The following MACROD2 variants were observed in gnomAD, a reference collection of about 807,000 sequenced individuals.
The protein encoded by MACROD2 is mono-ADP ribosylhydrolase 2.
A neutral mutation model predicts 70.4 loss-of-function variants in MACROD2; 36 were observed. The ratio of observed to expected loss-of-function variants is 0.51; its 90% CI spans 0.39 to 0.68. The LOEUF (loss-of-function observed/expected upper bound fraction) is 0.68. Among genes scored for constraint, MACROD2 ranks in the 30% least tolerant of loss-of-function variants. MACROD2 has a pLI of 0.00. For synonymous variants in MACROD2, 172 were observed against 178.8 expected (o/e 0.96, Z 0.30); for missense variants, 496 against 538.4 (o/e 0.92, Z 0.78).
At chr20:15,660,397 ACAT>A (rs1404368553) in intron 8 of MACROD2, among the ~76,000 whole-genome samples, 3 of 148,862 alleles carry the variant, frequency 2.0e-5, no homozygotes, top group Non-Finnish European at 4.4e-5. Context: ...GTATCCATGC[ACAT>A]CATTTTTTTT....
chr20:14,088,896 G>T (rs1317522387), intron 3 of MACROD2, among the ~76,000 whole-genome samples: 1 of 152,154 alleles, frequency 6.6e-6, no homozygotes, highest in African/African-American at 2.4e-5. Context: ...GTTGGCTCTG[G>T]TGTTTTTTAT....
chr20:14,903,822 A>C (rs1479981178), intron 5 of MACROD2, among the ~76,000 whole-genome samples: 2 of 152,134 alleles, frequency 1.3e-5, no homozygotes, highest in African/African-American at 4.8e-5. Context: ...TCCCACTATC[A>C]GTGTATGACT....
chr20:14,821,210 T>C lies in MACROD2; in HGVS notation c.418+136251T>C, dbSNP rs1483528831. ...AATTAAAATAAAAATGATGACTTCT[T>C]TTTTTCAGTATACTAAAATGAGCAT... is the stretch of plus-strand genomic sequence containing the variant. On this transcript the variant is annotated intron_variant, in intron 5 of 17. Transcript: ENST00000684519. 1.3e-5 allele frequency among the ~76,000 whole-genome samples: 2 copies of C among 152,128 alleles called. 1 individual carries two copies. Among genetic ancestry groups the C allele is most frequent in the Non-Finnish European group, 2.9e-5 (2 of 67,990 alleles).
At chr20:15,716,305 G>A (rs1383438953) in intron 8 of MACROD2, among the ~76,000 whole-genome samples, 2 of 152,184 alleles carry the variant, frequency 1.3e-5, no homozygotes, top group Admixed American at 6.5e-5. Flanking sequence ...GTTTTATTCT[G>A]TAGTAAATGT....
At chr20:14,019,202 C>T (rs563669629) in intron 2 of MACROD2, among the ~76,000 whole-genome samples, 10 of 152,266 alleles carry the variant, frequency 6.6e-5, no homozygotes, top group African/African-American at 2.2e-4. Context: ...GTGTAATACA[C>T]GTAGAGCTGG....
intron 3 of MACROD2, among the ~76,000 whole-genome samples, chr20:14,374,737 G>T (rs778712267): frequency 2.6e-5 from 4 of 152,028 alleles, no homozygotes; most frequent in Non-Finnish European, 4.4e-5. Context: ...TGTTTTGTCT[G>T]TCATAATCAA....
chr20:14,562,519 T>C (rs1036035300), intron 4 of MACROD2, among the ~76,000 whole-genome samples: 1 of 55,848 alleles, frequency 1.8e-5, no homozygotes, highest in African/African-American at 8.4e-5. Context: ...AAAAGGATGA[T>C]TGCACCCACA....
intron 4 of MACROD2, among the ~76,000 whole-genome samples, chr20:14,588,898 C>A (rs562174781): frequency 6.6e-6 from 1 of 152,186 alleles, no homozygotes; most frequent in South Asian, 2.1e-4. Flanking sequence ...ACTTATAATG[C>A]TATTTTTAGT....
rs536829500 is a variant in MACROD2 at position 14,299,359 on chromosome 20, A to G, written c.272-194120A>G. 1.8e-4 allele frequency among the ~76,000 whole-genome samples: 27 copies of G among 152,290 alleles called. No homozygotes were observed. In the South Asian group the frequency reaches 2.1e-3, roughly 12 times the overall value. On this transcript the variant is annotated intron_variant, in intron 3 of 17. Transcript: ENST00000684519. ...ATATAAGGCATATTGCATGCCTAAT[A>G]TACCTCAATGTAGTATAAACGTTAA...
rs529842062 is a variant in MACROD2, at chr20:15,226,356, C to T, written c.419-3584C>T. On this transcript the variant is annotated intron_variant, in intron 5 of 17. Coordinates refer to ENST00000684519, the MANE Select transcript of MACROD2 (RefSeq NM_001351661.2). ...TGTACACTGCTGCTGTTGATGATGA[C>T]ATTTACCATTTCTTGAGCCTTCCTA... Among the ~76,000 whole-genome samples, 4 of 152,260 alleles carry T rather than the reference C, an allele frequency of 2.6e-5. No individual in the cohort carries two copies. The South Asian group carries it at 8.3e-4, about 32-fold the overall frequency.
intron 5 of MACROD2, among the ~76,000 whole-genome samples, chr20:14,717,305 G>T (rs2071408274): frequency 6.6e-6 from 1 of 152,168 alleles, no homozygotes. Context: ...TATACAGGAT[G>T]TATCTATCTG....
rs192355372 is a variant in MACROD2 at position 15,357,868 on chromosome 20, G to A, written c.541-73537G>A. Among the ~76,000 whole-genome samples, 359 of 148,932 alleles carry A rather than the reference G, an allele frequency of 2.4e-3. 1 individual carries two copies. The highest frequency in any genetic ancestry group is 0.014 in the Middle Eastern group (4 of 286). Reference sequence around the variant, plus strand: ...GTCGCCCAGGCTGGAGTGCAGTGGCGCGATCTCAGCTTACTGCAAGCTCCG... The same window carrying A: ...GTCGCCCAGGCTGGAGTGCAGTGGCACGATCTCAGCTTACTGCAAGCTCCG... On this transcript the variant is annotated intron_variant, in intron 6 of 17. Coordinates refer to ENST00000684519, the MANE Select transcript of MACROD2 (RefSeq NM_001351661.2).
intron 15 of MACROD2, among the ~76,000 whole-genome samples, chr20:16,002,540 C>T (rs1055580779): frequency 5.3e-5 from 8 of 151,974 alleles, no homozygotes; most frequent in African/African-American, 7.3e-5. Context: ...CACAAGAGAG[C>T]GATTGAGATT....
At chr20:14,451,073 T>C (rs1330077162) in intron 3 of MACROD2, among the ~76,000 whole-genome samples, 3 of 152,052 alleles carry the variant, frequency 2.0e-5, no homozygotes, top group African/African-American at 7.3e-5. Flanking sequence ...AAGGAGTTTT[T>C]TGGGGGGCTG....
At chr20:14,864,461 A>C (rs1244345570) in intron 5 of MACROD2, among the ~76,000 whole-genome samples, 1 of 152,128 alleles carries the variant, frequency 6.6e-6, no homozygotes, top group African/African-American at 2.4e-5. Flanking sequence ...TAAGATTTCA[A>C]TGTTTTTATT....
intron 3 of MACROD2, among the ~76,000 whole-genome samples, chr20:14,091,591 C>A (rs1043256589): frequency 1.1e-4 from 17 of 151,968 alleles, no homozygotes; most frequent in Non-Finnish European, 1.5e-5. Flanking sequence ...TCACATTGTA[C>A]CTCATAAACG....
intron 3 of MACROD2, among the ~76,000 whole-genome samples, chr20:14,187,060 A>G (rs2081350699): frequency 6.6e-6 from 1 of 151,702 alleles, no homozygotes; most frequent in African/African-American, 2.4e-5. Context: ...GCAGCGTACA[A>G]TTTACCCATG....
intron 5 of MACROD2, among the ~76,000 whole-genome samples, chr20:14,965,348 G>A (rs540268182): frequency 1.3e-5 from 2 of 150,892 alleles, no homozygotes; most frequent in South Asian, 4.2e-4. Context: ...AATTCCAAAT[G>A]CCATTTTTTA....
At chr20:14,726,935 TA>T (rs1419369150) in intron 5 of MACROD2, among the ~76,000 whole-genome samples, 3 of 152,058 alleles carry the variant, frequency 2.0e-5, no homozygotes, top group South Asian at 2.1e-4. Context: ...TACCAGAGGT[TA>T]AAAAAAACCC....
Sources: gnomAD v4.1 joint callset for allele counts (sites outside exome capture counted in the v4.1 genomes callset) on GRCh38, gnomAD v4.1.1 for gene constraint, MANE v1.5 for transcripts, NCBI Gene and HGNC (gene_info 2026-07-23, HGNC 2026-07-21) for gene names.